ZNF519: variants seen among roughly 807,000 people sequenced by gnomAD.
The protein encoded by ZNF519 is zinc finger protein 519, also known as similar to Zinc finger protein 85 (Zinc finger protein HPF4) (HTF1).
ZNF519 carries 7 observed loss-of-function variants against 7.4 expected under a neutral mutation model. That is an observed-to-expected ratio of 0.94 (90% CI 0.54 to 1.77). The LOEUF is 1.77. Ranked by LOEUF, ZNF519 falls within the 40% of genes most tolerant of loss-of-function variation. The probability of loss-of-function intolerance (pLI) is 0.00; values close to 1 mark genes in which losing one functional copy is unlikely to be tolerated. For missense variants in ZNF519, 586 were observed against 623.1 expected (o/e 0.94, Z 0.63); for synonymous variants, 179 against 203.3 (o/e 0.88, Z 1.02).
chr18:14,111,515 G>GAAAAAAAAAAAAAAAAAAAAA (rs371322134), intron 2 of ZNF519, among the ~76,000 whole-genome samples: 1 of 72,618 alleles, frequency 1.4e-5, no homozygotes, highest in Non-Finnish European at 2.8e-5. Flanking sequence ...TCAAAAAAAA[G>GAAAAAAAAAAAAAAAAAAAAA]AAAAAAAAAA....
intron 2 of ZNF519, among the ~76,000 whole-genome samples, chr18:14,109,847 G>A (rs2046211929): frequency 6.6e-6 from 1 of 151,790 alleles, no homozygotes; most frequent in South Asian, 2.1e-4. Context: ...AATTAATGTG[G>A]ATCAAAAAAG....
Position 14,104,889 on chromosome 18 carries a change from T to C in ZNF519, c.*28A>G. 6.6e-7 allele frequency: 1 copy of C among 1,507,560 alleles called. No homozygotes were observed. The highest frequency in any genetic ancestry group is 8.9e-7 in the Non-Finnish European group (1 of 1,129,890). 93.4% of individuals were successfully genotyped at this position (1,507,560 alleles called of 1,614,324 possible). A position where few individuals can be genotyped will look rare whatever the true frequency, so the allele number is the denominator to read the frequency against. ...AGGTGTGAGCACCAGTTTAGGGTTT[T>C]AGCACATTCTTTACACTTGCAGGGT... On this transcript the variant is annotated 3_prime_UTR_variant, in exon 3 of 3. Transcript: ENST00000590202.
In ZNF519 at chr18:14,104,313, A is replaced by G. The variant is rs1323368348; in HGVS notation, c.*604T>C. 1 of 152,240 alleles carries G rather than the reference A, an allele frequency of 6.6e-6. No individual in the cohort carries two copies. The allele number at this position is 152,240 out of a possible 1,614,324, so 9.4% of individuals were successfully genotyped here. A position where few individuals can be genotyped will look rare whatever the true frequency, so the allele number is the denominator to read the frequency against. ...CAATAATATTCTGAACACCTAACTC[A>G]TATATGACTTATATTCAGTGTTGTA... On this transcript the variant is annotated 3_prime_UTR_variant, in exon 3 of 3. Transcript: ENST00000590202.
Position 14,132,282 on chromosome 18 carries a change from C to A in ZNF519, c.-5G>T, listed in dbSNP as rs766509867. ...CCTGCCCCCCACACTCACCATTTCT[C>A]GGCTTCAGGGGTGTCCTGGAGTCTT... On this transcript the variant is annotated 5_prime_UTR_variant, in exon 1 of 3. Transcript: ENST00000590202. The A allele has an allele frequency of 5.6e-6, 9 of 1,613,924 alleles. No individual in the cohort carries two copies. In the South Asian group the frequency reaches 9.9e-5, roughly 18 times the overall value.
chr18:14,109,341 A>T (rs2046210147), intron 2 of ZNF519, among the ~76,000 whole-genome samples: 1 of 152,164 alleles, frequency 6.6e-6, no homozygotes, highest in African/African-American at 2.4e-5. Flanking sequence ...TATCAGGCCT[A>T]ATCTGTGCTA....
At chr18:14,119,095 C>T (rs1222881761) in intron 2 of ZNF519, among the ~76,000 whole-genome samples, 1 of 152,134 alleles carries the variant, frequency 6.6e-6, no homozygotes, top group Non-Finnish European at 1.5e-5. Context: ...TCTAATCTTT[C>T]CAGGTCCCAA....
chr18:14,090,444 G>C (rs926390798), intron 2 of ZNF519: 1 of 152,160 alleles, frequency 6.6e-6, no homozygotes, highest in Non-Finnish European at 1.5e-5. Flanking sequence ...GGTGACAGAC[G>C]AGAGGCTAAA....
intron 2 of ZNF519, among the ~76,000 whole-genome samples, chr18:14,110,258 T>C (rs1380276176): frequency 1.3e-5 from 2 of 151,884 alleles, no homozygotes; most frequent in Non-Finnish European, 2.9e-5. Context: ...AGGTAACATA[T>C]AAAAAAACTC....
chr18:14,109,095 G>A (rs372467183), intron 2 of ZNF519, among the ~76,000 whole-genome samples: 228 of 147,574 alleles, frequency 1.5e-3, no homozygotes, highest in Non-Finnish European at 2.8e-3. Context: ...CAACAAGAGC[G>A]AAACTCAGAG....
intron 3 of ZNF519, among the ~76,000 whole-genome samples, chr18:14,083,373 GAACA>G (rs1025367773): frequency 1.3e-5 from 2 of 151,936 alleles, no homozygotes; most frequent in African/African-American, 4.8e-5. Flanking sequence ...AAAAACAAAC[GAACA>G]AACAAACAAC....
At chr18:14,112,990 T>G (rs897362524) in intron 2 of ZNF519, among the ~76,000 whole-genome samples, 1 of 152,178 alleles carries the variant, frequency 6.6e-6, no homozygotes, top group Non-Finnish European at 1.5e-5. Flanking sequence ...TGCCTTTATG[T>G]GGCTGGCTTA....
chr18:14,077,591 T>G (rs1403542915), intron 4 of ZNF519: 1 of 152,190 alleles, frequency 6.6e-6, no homozygotes, highest in Non-Finnish European at 1.5e-5. Context: ...TTTTCCCAGT[T>G]ACTGTTTACC....
chr18:14,076,993 A>G (rs901936547), exon 5 of ZNF519: 11 of 152,176 alleles, frequency 7.2e-5, no homozygotes, highest in Admixed American at 5.9e-4. Context: ...CTTACACACT[A>G]TCGAAGGCAT....
Position 14,104,271 on chromosome 18 carries a change from C to T in ZNF519, c.*646G>A, listed in dbSNP as rs1325147108. 2 of 152,152 alleles carry T rather than the reference C, an allele frequency of 1.3e-5. No individual in the cohort carries two copies. Among genetic ancestry groups the T allele is most frequent in the Admixed American group, 6.6e-5 (1 of 15,260 alleles). 9.4% of individuals were successfully genotyped at this position (152,152 alleles called of 1,614,324 possible). Reference sequence around the variant, plus strand: ...TCTAAAACTCAGAGTGTTTCTGTCTCACACTTTAATGCAGAACAATAATAT... The same window carrying T: ...TCTAAAACTCAGAGTGTTTCTGTCTTACACTTTAATGCAGAACAATAATAT... On this transcript the variant is annotated 3_prime_UTR_variant, in exon 3 of 3. Transcript: ENST00000590202.
intron 3 of ZNF519, among the ~76,000 whole-genome samples, chr18:14,080,471 G>A (rs1399663856): frequency 3.3e-5 from 5 of 151,880 alleles, no homozygotes; most frequent in Non-Finnish European, 5.9e-5. Flanking sequence ...ACAGGCACAC[G>A]CCACCATGCC....
intron 2 of ZNF519, among the ~76,000 whole-genome samples, chr18:14,123,435 A>G (rs991164387): frequency 6.6e-6 from 1 of 152,196 alleles, no homozygotes; most frequent in African/African-American, 2.4e-5. Flanking sequence ...TAACTGGTAC[A>G]GGGCCAGGAA....
At chr18:14,094,346 G>A (rs144722157) in intron 2 of ZNF519, among the ~76,000 whole-genome samples, 2 of 152,284 alleles carry the variant, frequency 1.3e-5, no homozygotes, top group East Asian at 3.9e-4. Context: ...GTAAACATCG[G>A]TATCCCTGCC....
intron 1 of ZNF519, among the ~76,000 whole-genome samples, chr18:14,129,271 G>T (rs1298294037): frequency 6.6e-6 from 1 of 152,206 alleles, no homozygotes; most frequent in Non-Finnish European, 1.5e-5. Flanking sequence ...AGGCACCTGT[G>T]TATGTTCTTG....
chr18:14,073,208 T>C (rs974238594), downstream of ZNF519: 3 of 152,114 alleles, frequency 2.0e-5, no homozygotes, highest in African/African-American at 4.8e-5. Context: ...CAAAAATATA[T>C]TGAAGAAAAG....
Sources: gnomAD v4.1 joint callset for allele counts (sites outside exome capture counted in the v4.1 genomes callset) on GRCh38, gnomAD v4.1.1 for gene constraint, MANE v1.5 for transcripts, NCBI Gene and HGNC (gene_info 2026-07-23, HGNC 2026-07-21) for gene names.